The following DNAH6 variants were observed in gnomAD, a reference collection of about 807,000 sequenced individuals.
DNAH6 encodes the protein axonemal beta dynein heavy chain 6.
Under a neutral mutation model 491.4 loss-of-function variants are expected in DNAH6, and 340 were observed. The observed-to-expected ratio is 0.69, with a 90% CI of 0.63 to 0.76. DNAH6 has a LOEUF of 0.76. Among genes scored for constraint, DNAH6 ranks in the 30% least tolerant of loss-of-function variants. DNAH6 has a pLI of 0.00. For synonymous variants in DNAH6, 1,603 were observed against 1,686.1 expected (o/e 0.95, Z 1.21); for missense variants, 4,443 against 4,972.2 (o/e 0.89, Z 3.20).
chr2:84,487,305 A>G, the DNAH6 span, among the ~76,000 whole-genome samples: 1 of 152,230 alleles, frequency 6.6e-6, no homozygotes, highest in Non-Finnish European at 1.5e-5. Flanking sequence ...CCACTGGACA[A>G]TAGAAGATGC....
chr2:84,473,664 C>T, the DNAH6 span, among the ~76,000 whole-genome samples: 1 of 152,116 alleles, frequency 6.6e-6, no homozygotes, highest in Non-Finnish European at 1.5e-5. Context: ...ATTAATGTCT[C>T]CTAATAATTT....
intron 63 of DNAH6, among the ~76,000 whole-genome samples, chr2:84,760,382 A>G (rs1674455337): frequency 6.6e-6 from 1 of 152,232 alleles, no homozygotes; most frequent in African/African-American, 2.4e-5. Flanking sequence ...AATCTGCAGA[A>G]TGGGAGAAAA....
intron 14 of DNAH6, among the ~76,000 whole-genome samples, chr2:84,582,288 G>C (rs1035521128): frequency 6.6e-6 from 1 of 152,084 alleles, no homozygotes; most frequent in Non-Finnish European, 1.5e-5. Flanking sequence ...TTCTAGAACC[G>C]TGGTTCTCAA....
rs773105676 is a variant in DNAH6 at position 84,707,030 on chromosome 2, C to T, written c.8851+11C>T. ...AAAAAGAAAGCCTGGGTAAGTAACT[C>T]ATAAAATTTACATTGGCCAGGAAAT... On this transcript the variant is annotated intron_variant, in intron 53 of 76. Transcript: ENST00000389394. 2 of 1,501,264 alleles carry T rather than the reference C, an allele frequency of 1.3e-6. No individual in the cohort carries two copies. The highest frequency in any genetic ancestry group is 3.9e-4 in the Middle Eastern group (2 of 5,066). The allele number at this position is 1,501,264 out of a possible 1,614,324, so 93.0% of individuals were successfully genotyped here.
intron 64 of DNAH6, among the ~76,000 whole-genome samples, chr2:84,780,704 A>C (rs907904181): frequency 8.5e-5 from 13 of 152,102 alleles, no homozygotes; most frequent in Non-Finnish European, 1.5e-5. Flanking sequence ...GAATTGCCAG[A>C]ATTCTTTTGC....
chr2:84,735,036 C>T (rs187235232), intron 62 of DNAH6, among the ~76,000 whole-genome samples: 57 of 152,208 alleles, frequency 3.7e-4, no homozygotes, highest in Non-Finnish European at 7.2e-4. Flanking sequence ...AGGTTTTCAA[C>T]CCTTGCTGCC....
intron 10 of DNAH6, among the ~76,000 whole-genome samples, chr2:84,557,002 G>T (rs1442302595): frequency 6.6e-6 from 1 of 152,176 alleles, no homozygotes; most frequent in African/African-American, 2.4e-5. Flanking sequence ...GAGAAATACT[G>T]CAGTGATTGT....
chr2:84,604,111 C>T (rs777846003), intron 18 of DNAH6, among the ~76,000 whole-genome samples: 3 of 152,146 alleles, frequency 2.0e-5, no homozygotes, highest in East Asian at 1.9e-4. Context: ...AGAAACCTGT[C>T]GGTATCAATC....
At chr2:84,770,641 G>T (rs1340649841) in intron 64 of DNAH6, among the ~76,000 whole-genome samples, 1 of 152,100 alleles carries the variant, frequency 6.6e-6, no homozygotes. Context: ...CGAACATGCA[G>T]ATAGGTCTAT....
intron 64 of DNAH6, among the ~76,000 whole-genome samples, chr2:84,773,247 AT>A (rs977418733): frequency 1.1e-4 from 16 of 151,930 alleles, no homozygotes; most frequent in African/African-American, 3.9e-4. Context: ...TCCAGTGTCC[AT>A]TTTTCCAATC....
At chr2:84,487,561 C>A in the DNAH6 span, among the ~76,000 whole-genome samples, 1 of 152,170 alleles carries the variant, frequency 6.6e-6, no homozygotes, top group Non-Finnish European at 1.5e-5. Flanking sequence ...TTTCCAGTCC[C>A]TGGATGGAGG....
At chr2:84,672,634 C>T (rs914098515) in intron 40 of DNAH6, 150 bp downstream of exon 40, 52 of 731,666 alleles carry the variant, frequency 7.1e-5, no homozygotes, top group Admixed American at 2.7e-4. Flanking sequence ...GAAGACTAGA[C>T]GTCTAAGAAC....
At chr2:84,804,597 G>A (rs564486365) in intron 70 of DNAH6, among the ~76,000 whole-genome samples, 12 of 151,378 alleles carry the variant, frequency 7.9e-5, no homozygotes, top group East Asian at 3.9e-4. Context: ...GTAATAAGCC[G>A]TATTTTTCTA....
intron 60 of DNAH6, 71 bp downstream of exon 60, chr2:84,722,875 C>T (rs561883166): frequency 1.0e-6 from 1 of 956,098 alleles, no homozygotes; most frequent in South Asian, 2.0e-5. Flanking sequence ...TTACTTCTTG[C>T]TTCACATAAG....
rs1206980887 is a variant in DNAH6, at chr2:84,621,513, A to G, written c.4033A>G (p.Ile1345Val). Residue 1345 changes from isoleucine (I) to valine (V), a missense_variant, in exon 26 of 77, where the codon ATA becomes GTA. By Grantham distance (29) the Ile-to-Val change is conservative. This residue lies in a region of DNAH6 where 2,977 missense variants were observed against 3,296.6 expected (regional missense o/e 0.90). Coordinates refer to ENST00000389394, the MANE Select transcript of DNAH6 (RefSeq NM_001370.2). ...TCTGGAAACAGAACACAGTAATCAT[A>G]TACAGGCCCTGAAGAATTTTGAAAA... The part of the protein sequence containing the change: ...ECLETEHSNH[I>V]QALKNFEKVN... 3.3e-6 allele frequency: 5 copies of G among 1,528,186 alleles called. No homozygotes were observed. The highest frequency in any genetic ancestry group is 2.4e-5 in the South Asian group (2 of 83,260). 94.7% of individuals were successfully genotyped at this position (1,528,186 alleles called of 1,614,324 possible).
In DNAH6 at chr2:84,722,602, C is replaced by T. The variant is rs1039878840; in HGVS notation, c.9793-23C>T. 1.3e-5 allele frequency: 20 copies of T among 1,526,514 alleles called. No homozygotes were observed. The Admixed American group carries it at 2.2e-4, about 17-fold the overall frequency. 94.6% of individuals were successfully genotyped at this position (1,526,514 alleles called of 1,614,324 possible). A position where few individuals can be genotyped will look rare whatever the true frequency, so the allele number is the denominator to read the frequency against. On this transcript the variant is annotated intron_variant, in intron 59 of 76. Transcript: ENST00000389394. ...TTTTTCTGGAACAGATCCCTAAGAA[C>T]TTGTTATTGTATGTTTATTCAGATC...
At chr2:84,509,534 G>T in the DNAH6 span, among the ~76,000 whole-genome samples, 23 of 152,124 alleles carry the variant, frequency 1.5e-4, no homozygotes, top group South Asian at 1.5e-3. Context: ...ATCCAATTTG[G>T]CAGTCTGTGT....
intron 11 of DNAH6, among the ~76,000 whole-genome samples, chr2:84,571,288 G>C (rs1010772709): frequency 6.6e-6 from 1 of 152,154 alleles, no homozygotes; most frequent in Admixed American, 6.6e-5. Flanking sequence ...GTATGCAAAA[G>C]TATAATAAGA....
chr2:84,664,833 G>T (rs1691914282), intron 37 of DNAH6, among the ~76,000 whole-genome samples: 1 of 152,124 alleles, frequency 6.6e-6, no homozygotes, highest in Non-Finnish European at 1.5e-5. Flanking sequence ...TCCAAAATTG[G>T]CCACATAGGT....
Sources: gnomAD v4.1 joint callset for allele counts (sites outside exome capture counted in the v4.1 genomes callset) on GRCh38, gnomAD v4.1.1 for gene constraint, gnomAD v4.1.1 regional missense constraint, MANE v1.5 for transcripts, NCBI Gene and HGNC (gene_info 2026-07-23, HGNC 2026-07-21) for gene names.